LARGE1: variants seen among roughly 807,000 people sequenced by gnomAD.
The protein encoded by LARGE1 is LARGE xylosyl- and glucuronyltransferase 1, also known as xylosyl- and glucuronyltransferase LARGE1.
Under a neutral mutation model 87.6 loss-of-function variants are expected in LARGE1, and 43 were observed. The observed-to-expected ratio is 0.49, with a 90% CI of 0.38 to 0.63. LARGE1 has a LOEUF of 0.63. Ranked by LOEUF, LARGE1 falls within the 30% of genes least tolerant of loss-of-function variation. The pLI, the probability that LARGE1 is intolerant of heterozygous loss-of-function variation, is 0.00. For missense variants in LARGE1, 802 were observed against 1,000.2 expected (o/e 0.80, Z 2.67); for synonymous variants, 434 against 394.6 (o/e 1.10, Z -1.18).
At chr22:33,588,353 T>C (rs2078738900) in intron 5 of LARGE1, among the ~76,000 whole-genome samples, 1 of 152,188 alleles carries the variant, frequency 6.6e-6, no homozygotes, top group Non-Finnish European at 1.5e-5. Context: ...TTGAACAGAA[T>C]GCCAGGCCCA....
At chr22:33,919,711 C>T (rs879659150) in intron 1 of LARGE1, among the ~76,000 whole-genome samples, 1 of 152,238 alleles carries the variant, frequency 6.6e-6, no homozygotes, top group Non-Finnish European at 1.5e-5. Context: ...GTATCGGTCA[C>T]ATGCCCTCGT....
Position 33,701,587 on chromosome 22 carries a change from T to C in LARGE1, c.107-50919A>G, listed in dbSNP as rs547604959. Among the ~76,000 whole-genome samples the C allele has an allele frequency of 3.9e-5, 6 of 152,318 alleles. No individual in the cohort carries two copies. In the South Asian group the frequency reaches 1.0e-3, roughly 26 times the overall value. On this transcript the variant is annotated intron_variant, in intron 2 of 14. Coordinates refer to ENST00000397394, the MANE Select transcript of LARGE1 (RefSeq NM_133642.5). ...TGAGGCCCCTCAGTGTCCAATATCA[T>C]GCTAGAGCATCAACATCCTTGTTGC...
chr22:33,743,352 T>C (rs1329131412), intron 2 of LARGE1, among the ~76,000 whole-genome samples: 5 of 152,172 alleles, frequency 3.3e-5, no homozygotes, highest in African/African-American at 1.2e-4. Context: ...GAACCAGCCA[T>C]GGATCACTCG....
chr22:33,497,785 C>T (rs1373013076), intron 6 of LARGE1, among the ~76,000 whole-genome samples: 1 of 152,292 alleles, frequency 6.6e-6, no homozygotes, highest in Non-Finnish European at 1.5e-5. Context: ...ATATTACTGG[C>T]ATCTTAGTGG....
chr22:33,465,480 C>G (rs555572519), intron 6 of LARGE1, among the ~76,000 whole-genome samples: 2 of 152,254 alleles, frequency 1.3e-5, no homozygotes, highest in Admixed American at 1.3e-4. Context: ...GAACATATGC[C>G]ATAGATTTCA....
intron 6 of LARGE1, among the ~76,000 whole-genome samples, chr22:33,527,775 G>T (rs566440456): frequency 6.6e-6 from 1 of 152,242 alleles, no homozygotes; most frequent in African/African-American, 2.4e-5. Context: ...AAAGAAGGGA[G>T]GGGGAGAAAG....
At chr22:33,454,666 A>G (rs973463509) in intron 6 of LARGE1, among the ~76,000 whole-genome samples, 2 of 151,706 alleles carry the variant, frequency 1.3e-5, no homozygotes, top group Non-Finnish European at 2.9e-5. Context: ...TAATTGGCTC[A>G]TGGTTCTGCA....
intron 6 of LARGE1, among the ~76,000 whole-genome samples, chr22:33,462,052 T>C (rs937374577): frequency 2.0e-5 from 3 of 152,232 alleles, no homozygotes; most frequent in Non-Finnish European, 4.4e-5. Flanking sequence ...CTAAGTTTTA[T>C]GGTAATTTAT....
Position 33,265,125 on chromosome 22 carries a change from A to T in LARGE1, c.1730+39104T>A, listed in dbSNP as rs950263004. ...TCACCATGTTGGTCAGGCTGTTCTCAAACTCCTGACCTCAGGTGACCCTCC... is the reference window on the plus strand; with the variant it reads ...TCACCATGTTGGTCAGGCTGTTCTCTAACTCCTGACCTCAGGTGACCCTCC... On this transcript the variant is annotated intron_variant, in intron 11 of 11. Coordinates refer to the LARGE1 transcript ENST00000608642. Among the ~76,000 whole-genome samples the T allele has an allele frequency of 2.6e-5, 4 of 151,724 alleles. No homozygotes were observed. The South Asian group carries it at 8.4e-4, about 32-fold the overall frequency.
the LARGE1 span, among the ~76,000 whole-genome samples, chr22:33,156,823 G>A: frequency 0.42 from 64,134 of 151,898 alleles, 13,969 homozygotes; most frequent in South Asian, 0.68. Flanking sequence ...TGTAACTCCC[G>A]CAATTCCAAT....
At chr22:33,683,539 G>A (rs2081846149) in intron 2 of LARGE1, among the ~76,000 whole-genome samples, 1 of 152,052 alleles carries the variant, frequency 6.6e-6, no homozygotes, top group Non-Finnish European at 1.5e-5. Flanking sequence ...TCAATAGGAT[G>A]GATGGATGGA....
chr22:33,626,284 G>C lies in LARGE1; in HGVS notation c.451C>G (p.Arg151Gly). ...AIVCAGYNAS[R>G]DVVTLVKSVL... is the part of the protein sequence containing the mutation. The stretch of plus-strand genomic sequence containing the variant: ...GATTTGACCAGGGTGACGACATCCC[G>C]GCTGGCATTGTATCCGGCGCAGACA... The change falls in exon 4 of 15, where the codon CGG becomes GGG. Residue 151 changes from arginine to glycine, a missense_variant. Arg to Gly is a moderately radical substitution (Grantham distance 125). Around this residue, in one of 2 missense-constraint regions of LARGE1, gnomAD observed 625 missense variants for 841.9 expected, o/e 0.74. Coordinates refer to ENST00000397394, the MANE Select transcript of LARGE1 (RefSeq NM_133642.5). 1 of 1,614,080 alleles carries C rather than the reference G, an allele frequency of 6.2e-7. No individual in the cohort carries two copies. Among genetic ancestry groups the C allele is most frequent in the Non-Finnish European group, 8.5e-7 (1 of 1,179,972 alleles).
intron 2 of LARGE1, among the ~76,000 whole-genome samples, chr22:33,694,887 T>C (rs2045314): frequency 0.57 from 87,188 of 151,968 alleles, 26,227 homozygotes; most frequent in Middle Eastern, 0.69. Context: ...GATTAGAGAA[T>C]GAACCTTTGG....
At chr22:33,712,452 C>T (rs2082760829) in intron 2 of LARGE1, among the ~76,000 whole-genome samples, 1 of 152,148 alleles carries the variant, frequency 6.6e-6, no homozygotes, top group Non-Finnish European at 1.5e-5. Flanking sequence ...CATGAACCCA[C>T]TGGCTATGAG....
Position 33,803,758 on chromosome 22 carries a change from C to T in LARGE1, c.-82-42200G>A, listed in dbSNP as rs139936750. Among the ~76,000 whole-genome samples, 54 of 152,282 alleles carry T rather than the reference C, an allele frequency of 3.5e-4. No homozygotes were observed. The East Asian group carries it at 9.7e-3, about 27-fold the overall frequency. On this transcript the variant is annotated intron_variant, in intron 1 of 14. Coordinates refer to ENST00000397394, the MANE Select transcript of LARGE1 (RefSeq NM_133642.5). ...GACCACACGTGTGAAAACATGTTTA[C>T]GAGGGAAGCTCATTAGAGGTTCCGT...
intron 2 of LARGE1, among the ~76,000 whole-genome samples, chr22:33,692,166 T>C (rs1253678416): frequency 2.6e-5 from 4 of 152,334 alleles, no homozygotes; most frequent in African/African-American, 9.6e-5. Context: ...TACCATTAGA[T>C]AGTTGTATGT....
At chr22:33,573,990 T>G (rs2078281156) in intron 5 of LARGE1, among the ~76,000 whole-genome samples, 1 of 152,138 alleles carries the variant, frequency 6.6e-6, no homozygotes, top group Non-Finnish European at 1.5e-5. Context: ...AAGGTTATCT[T>G]GAAAACTTGG....
At chr22:33,753,617 C>T (rs1215211636) in intron 2 of LARGE1, among the ~76,000 whole-genome samples, 1 of 152,180 alleles carries the variant, frequency 6.6e-6, no homozygotes, top group Non-Finnish European at 1.5e-5. Context: ...CATGTTGGGA[C>T]TCACGGCAAC....
At chr22:33,715,336 C>T (rs2082877314) in intron 2 of LARGE1, among the ~76,000 whole-genome samples, 1 of 152,096 alleles carries the variant, frequency 6.6e-6, no homozygotes, top group Admixed American at 6.5e-5. Context: ...CTGAGTCCTC[C>T]CATACTTCTT....
Sources: gnomAD v4.1 joint callset for allele counts (sites outside exome capture counted in the v4.1 genomes callset) on GRCh38, gnomAD v4.1.1 for gene constraint, gnomAD v4.1.1 regional missense constraint, MANE v1.5 for transcripts, NCBI Gene and HGNC (gene_info 2026-07-23, HGNC 2026-07-21) for gene names.